The following UBA6 variants were observed in gnomAD, a reference collection of about 807,000 sequenced individuals.
The protein encoded by UBA6 is ubiquitin-like modifier-activating enzyme 6.
In UBA6, 87 loss-of-function variants were observed where a neutral mutation model predicts 148.3. That is an observed-to-expected ratio of 0.59 (90% CI 0.49 to 0.70). The LOEUF (loss-of-function observed/expected upper bound fraction) is 0.70. Among genes scored for constraint, UBA6 ranks in the 30% least tolerant of loss-of-function variants. UBA6 has a pLI of 0.00. For missense variants in UBA6, 1,186 were observed against 1,241.2 expected (o/e 0.96, Z 0.67); for synonymous variants, 376 against 401.0 (o/e 0.94, Z 0.75).
chr4:67,699,254 T>C (rs1269815840), intron 1 of UBA6, among the ~76,000 whole-genome samples: 1 of 152,216 alleles, frequency 6.6e-6, no homozygotes, highest in Non-Finnish European at 1.5e-5. Flanking sequence ...TTCCTAGTTC[T>C]GAGAAGCTCT....
chr4:67,639,187 T>C (rs1261779450), intron 18 of UBA6, 63 bp from the exon 19 acceptor site: 1 of 1,304,698 alleles, frequency 7.7e-7, no homozygotes, highest in Non-Finnish European at 1.1e-6. Flanking sequence ...ATGATTTTTC[T>C]ATATATTCCA....
rs374292928 is a variant in UBA6, at chr4:67,631,941, T to A, written c.2143-33A>T. 18 of 1,575,222 alleles carry A rather than the reference T, an allele frequency of 1.1e-5. No homozygotes were observed. In the African/African-American group the frequency reaches 1.8e-4, roughly 16 times the overall value. On this transcript the variant is annotated intron_variant, in intron 23 of 32. Transcript: ENST00000322244. Reference sequence around the variant, plus strand: ...AAAAAAATGAATTAAAGACACCCACTACTTAATATTATCTGAGGAAAAATT... The same window carrying A: ...AAAAAAATGAATTAAAGACACCCACAACTTAATATTATCTGAGGAAAAATT...
intron 2 of UBA6, among the ~76,000 whole-genome samples, chr4:67,688,712 T>C (rs1730627348): frequency 6.6e-6 from 1 of 152,072 alleles, no homozygotes; most frequent in African/African-American, 2.4e-5. Context: ...GGTACTAAAA[T>C]TGCTCTAAAA....
intron 13 of UBA6, chr4:67,661,904 A>T: frequency 2.4e-6 from 1 of 420,090 alleles, no homozygotes. Flanking sequence ...ATAATAAAGA[A>T]TAATAGTAAC....
chr4:67,684,007 G>A (rs1409158365), intron 2 of UBA6, among the ~76,000 whole-genome samples: 5 of 152,194 alleles, frequency 3.3e-5, no homozygotes, highest in African/African-American at 9.7e-5. Flanking sequence ...GAGCCAGGAG[G>A]TGGAGGTTGC....
At chr4:67,636,657 G>A (rs1729150185) in intron 19 of UBA6, among the ~76,000 whole-genome samples, 1 of 152,240 alleles carries the variant, frequency 6.6e-6, no homozygotes, top group Admixed American at 6.5e-5. Context: ...GCCTCCCGAA[G>A]TGCTGGGATT....
At chr4:67,637,271 G>T (rs1203384019) in intron 19 of UBA6, among the ~76,000 whole-genome samples, 3 of 150,664 alleles carry the variant, frequency 2.0e-5, no homozygotes, top group African/African-American at 7.3e-5. Context: ...GAGGGAGGTG[G>T]AGGGCAGCCC....
Position 67,639,062 on chromosome 4 carries a change from A to C in UBA6, c.1617T>G (p.Asp539Glu). ...TTGGACATACTTTGTTCAGGTGTGC[A>C]TCTATCTTTATTTGAGAATTTATTT... The part of the protein sequence containing the change: ...TLKINSQIKI[D>E]AHLNKVCPTT... Residue 539 changes from aspartate (D) to glutamate (E), a missense_variant, in exon 19 of 33, where the codon GAT (aspartate) becomes GAG (glutamate). Asp to Glu is a conservative substitution (Grantham distance 45). Transcript: ENST00000322244. 6.2e-7 allele frequency: 1 copy of C among 1,613,604 alleles called. No individual in the cohort carries two copies. The highest frequency in any genetic ancestry group is 8.5e-7 in the Non-Finnish European group (1 of 1,179,782).
intron 13 of UBA6, among the ~76,000 whole-genome samples, chr4:67,649,508 A>G (rs1320138142): frequency 6.6e-6 from 1 of 152,184 alleles, no homozygotes; most frequent in East Asian, 1.9e-4. Flanking sequence ...TTGTCAAAGA[A>G]CAGTTCTGTG....
chr4:67,700,099 T>C lies in UBA6; in HGVS notation c.71+950A>G, dbSNP rs182509669. 3.7e-3 allele frequency among the ~76,000 whole-genome samples: 566 copies of C among 152,254 alleles called. 3 individuals carry two copies. The highest frequency in any genetic ancestry group is 0.013 in the African/African-American group (546 of 41,530). ...GAAAGTTGTGCCTCACTGGAATGTT[T>C]CAAAAATATGTAAAAATAATATGAT... On this transcript the variant is annotated intron_variant, in intron 1 of 32. Coordinates refer to ENST00000322244, the MANE Select transcript of UBA6 (RefSeq NM_018227.6).
At chr4:67,621,057 A>T (rs1728739155) in intron 32 of UBA6, among the ~76,000 whole-genome samples, 1 of 152,220 alleles carries the variant, frequency 6.6e-6, no homozygotes, top group Non-Finnish European at 1.5e-5. Context: ...AAATCTTAAA[A>T]GCATTTTTAA....
chr4:67,625,581 C>T (rs1438034971), intron 28 of UBA6, among the ~76,000 whole-genome samples: 1 of 151,964 alleles, frequency 6.6e-6, no homozygotes, highest in Non-Finnish European at 1.5e-5. Flanking sequence ...GACTCTGAAA[C>T]ATTTTCCCTC....
chr4:67,682,048 T>C (rs1560499597), intron 3 of UBA6, 71 bp downstream of exon 3: 21 of 1,140,522 alleles, frequency 1.8e-5, no homozygotes, highest in Non-Finnish European at 2.2e-5. Flanking sequence ...TATAAGGGGA[T>C]GAAGTTAAGT....
chr4:67,639,765 T>C (rs1462693359), intron 18 of UBA6, among the ~76,000 whole-genome samples: 3 of 152,148 alleles, frequency 2.0e-5, no homozygotes, highest in Admixed American at 1.3e-4. Flanking sequence ...AAATTATGCA[T>C]AGTAAGAGAT....
At chr4:67,693,788 T>A (rs554470735) in intron 2 of UBA6, among the ~76,000 whole-genome samples, 1 of 152,142 alleles carries the variant, frequency 6.6e-6, no homozygotes, top group Non-Finnish European at 1.5e-5. Context: ...TCAAGCTTAC[T>A]GATGAAATCT....
chr4:67,648,020 G>A (rs1459934202), intron 14 of UBA6, among the ~76,000 whole-genome samples: 6 of 150,664 alleles, frequency 4.0e-5, no homozygotes, highest in Admixed American at 3.3e-4. Flanking sequence ...TGATCTGCCC[G>A]CCTCGGCTGC....
intron 13 of UBA6, chr4:67,661,704 T>C (rs1276546316): frequency 6.3e-6 from 1 of 158,024 alleles, no homozygotes; most frequent in East Asian, 1.8e-4. Context: ...CAAATAAAAC[T>C]GTTGACAAGC....
At chr4:67,640,521 C>T (rs1729279772) in intron 18 of UBA6, among the ~76,000 whole-genome samples, 2 of 151,908 alleles carry the variant, frequency 1.3e-5, no homozygotes, top group South Asian at 4.2e-4. Context: ...CCTAGGTTGC[C>T]CAGGCTGGTC....
At chr4:67,639,155 G>A (rs1244418626) in intron 18 of UBA6, 31 bp from the exon 19 acceptor site, 3 of 1,535,686 alleles carry the variant, frequency 2.0e-6, no homozygotes, top group Admixed American at 1.9e-5. Flanking sequence ...GAAGGAATAT[G>A]TTAAACAACA....
Sources: gnomAD v4.1 joint callset for allele counts (sites outside exome capture counted in the v4.1 genomes callset) on GRCh38, gnomAD v4.1.1 for gene constraint, MANE v1.5 for transcripts, NCBI Gene and HGNC (gene_info 2026-07-23, HGNC 2026-07-21) for gene names.